The following PAK2 variants were observed in gnomAD, a reference collection of about 807,000 sequenced individuals.
PAK2 encodes p21 (RAC1) activated kinase 2.
In PAK2, 21 loss-of-function variants were observed where a neutral mutation model predicts 65.9. The observed-to-expected ratio is 0.32, with a 90% CI of 0.23 to 0.46. The LOEUF is 0.46. PAK2 is among the 20% of genes least tolerant of loss of function. PAK2 has a pLI of 1.00. For synonymous variants in PAK2, 204 were observed against 219.7 expected (o/e 0.93, Z 0.63); for missense variants, 324 against 642.6 (o/e 0.50, Z 5.36).
intron 13 of PAK2, among the ~76,000 whole-genome samples, chr3:196,826,133 T>C (rs1340065021): frequency 1.3e-5 from 2 of 152,106 alleles, no homozygotes; most frequent in African/African-American, 4.8e-5. Context: ...ATTACAGGCA[T>C]CAGCCACCAT....
At chr3:196,749,277 T>C (rs553295948) in intron 1 of PAK2, among the ~76,000 whole-genome samples, 4 of 152,224 alleles carry the variant, frequency 2.6e-5, no homozygotes, top group East Asian at 1.9e-4. Flanking sequence ...ATGGAATTGC[T>C]GGGTCATATG....
In PAK2 at chr3:196,774,038, A is replaced by AAC. The variant is rs60921744; in HGVS notation, c.-21-8587_-21-8586insCA. On this transcript the variant is annotated intron_variant, in intron 1 of 14. Transcript: ENST00000327134. ...CAGAACGAGACTCCGTCTCAAAAAA[A>AAC]AACAACAACAAAAAAAATCTGTGGA... is the stretch of plus-strand genomic sequence containing the variant. 4.2e-3 allele frequency among the ~76,000 whole-genome samples: 640 copies of AAC among 151,972 alleles called. 4 individuals carry two copies. Among genetic ancestry groups the AAC allele is most frequent in the African/African-American group, 0.015 (603 of 41,458 alleles).
intron 3 of PAK2, 129 bp downstream of exon 3, chr3:196,802,156 T>C: frequency 1.6e-6 from 1 of 644,758 alleles, no homozygotes; most frequent in South Asian, 1.8e-5. Flanking sequence ...CCCAGCACTT[T>C]GGGAGGCCAA....
chr3:196,785,543 C>T (rs1338063024), intron 2 of PAK2, among the ~76,000 whole-genome samples: 2 of 152,146 alleles, frequency 1.3e-5, no homozygotes, highest in African/African-American at 4.8e-5. Flanking sequence ...TCCCTGATTA[C>T]TCAAAAAACT....
At chr3:196,748,555 A>G (rs1713467466) in intron 1 of PAK2, among the ~76,000 whole-genome samples, 2 of 152,048 alleles carry the variant, frequency 1.3e-5, no homozygotes, top group Non-Finnish European at 2.9e-5. Context: ...CTTTTCCAGA[A>G]TGTCCCGTAG....
At position 196,801,991 on chromosome 3, in the gene PAK2, C is replaced by T. The variant is rs1715435529; in HGVS notation, c.252C>T (p.Ile84=). 3 of 1,609,704 alleles carry T rather than the reference C, an allele frequency of 1.9e-6. No homozygotes were observed. The highest frequency in any genetic ancestry group is 2.2e-5 in the South Asian group (2 of 90,994). The change falls in exon 3 of 15, where the codon ATC becomes ATT. Residue 84 remains isoleucine (I), a synonymous_variant. Coordinates refer to ENST00000327134, the MANE Select transcript of PAK2 (RefSeq NM_002577.4). The part of the protein sequence containing the change: ...ISPPSDFEHT[I]HVGFDAVTGE... ...CTCCATCTGATTTTGAGCACACCAT[C>T]CATGTTGGCTTTGATGCTGTTACTG... is the stretch of plus-strand genomic sequence containing the variant.
At chr3:196,795,406 G>A (rs189444536) in intron 2 of PAK2, among the ~76,000 whole-genome samples, 13 of 152,186 alleles carry the variant, frequency 8.5e-5, no homozygotes, top group Admixed American at 3.3e-4. Flanking sequence ...GGTTGAGGCC[G>A]CAGTGAGCTG....
At chr3:196,815,858 T>G (rs1203986156) in intron 11 of PAK2, among the ~76,000 whole-genome samples, 5 of 152,050 alleles carry the variant, frequency 3.3e-5, no homozygotes, top group African/African-American at 1.2e-4. Flanking sequence ...AGCAGGACAC[T>G]TATTTGCCTT....
intron 13 of PAK2, among the ~76,000 whole-genome samples, chr3:196,822,116 T>A (rs560301705): frequency 2.0e-5 from 3 of 152,332 alleles, no homozygotes; most frequent in Admixed American, 2.0e-4. Context: ...AAAGTACTTC[T>A]ATAGAGGTGA....
At chr3:196,814,682 A>G (rs1715935486) in intron 11 of PAK2, 114 bp downstream of exon 11, 1 of 665,316 alleles carries the variant, frequency 1.5e-6, no homozygotes, top group Non-Finnish European at 2.7e-6. Flanking sequence ...TTCTCTGTAT[A>G]CATTCTCTGC....
intron 9 of PAK2, 136 bp downstream of exon 9, chr3:196,812,403 G>A: frequency 1.5e-6 from 1 of 667,278 alleles, no homozygotes; most frequent in Non-Finnish European, 2.7e-6. Context: ...TATGTTTATA[G>A]CACTTCTGTC....
chr3:196,816,713 C>T (rs1396632162), intron 11 of PAK2, among the ~76,000 whole-genome samples: 7 of 152,164 alleles, frequency 4.6e-5, no homozygotes, highest in Non-Finnish European at 1.5e-5. Flanking sequence ...CTTTGTTCTC[C>T]TCTGATGGGA....
At chr3:196,781,533 C>G (rs976647854) in intron 1 of PAK2, among the ~76,000 whole-genome samples, 4 of 152,216 alleles carry the variant, frequency 2.6e-5, no homozygotes, top group Admixed American at 1.3e-4. Context: ...GCCTTTCAGC[C>G]ATGCTCTGTG....
intron 2 of PAK2, among the ~76,000 whole-genome samples, chr3:196,783,157 C>G (rs1714764917): frequency 2.6e-5 from 4 of 152,132 alleles, no homozygotes; most frequent in Admixed American, 2.6e-4. Flanking sequence ...ATAGGGCCCA[C>G]AGTCCCCTGT....
intron 10 of PAK2, among the ~76,000 whole-genome samples, chr3:196,813,295 G>A (rs949524283): frequency 6.6e-6 from 1 of 151,966 alleles, no homozygotes; most frequent in Non-Finnish European, 1.5e-5. Context: ...AAGCAGAATA[G>A]AAAATGATGC....
intron 4 of PAK2, among the ~76,000 whole-genome samples, chr3:196,804,885 C>G (rs968649315): frequency 4.6e-5 from 7 of 151,588 alleles, no homozygotes; most frequent in Non-Finnish European, 8.8e-5. Flanking sequence ...ATATGTATGT[C>G]TCTGGGCATT....
intron 9 of PAK2, among the ~76,000 whole-genome samples, 194 bp from the exon 10 acceptor site, chr3:196,812,545 C>T (rs1715862723): frequency 6.6e-6 from 1 of 152,088 alleles, no homozygotes; most frequent in Non-Finnish European, 1.5e-5. Flanking sequence ...TAATCAACTT[C>T]AAGATAAATC....
At chr3:196,750,298 GC>G (rs1161789689) in intron 1 of PAK2, among the ~76,000 whole-genome samples, 1 of 151,752 alleles carries the variant, frequency 6.6e-6, no homozygotes, top group Non-Finnish European at 1.5e-5. Context: ...CCTATACCTG[GC>G]TAATTTTTAA....
intron 11 of PAK2, among the ~76,000 whole-genome samples, chr3:196,816,099 C>G (rs1336286277): frequency 9.9e-5 from 15 of 152,082 alleles, no homozygotes; most frequent in Non-Finnish European, 2.9e-5. Context: ...ATTGAAACTT[C>G]TAATGTCATA....
Sources: gnomAD v4.1 joint callset for allele counts (sites outside exome capture counted in the v4.1 genomes callset) on GRCh38, gnomAD v4.1.1 for gene constraint, MANE v1.5 for transcripts, NCBI Gene and HGNC (gene_info 2026-07-23, HGNC 2026-07-21) for gene names.